The following ATP9B variants were observed in gnomAD, a reference collection of about 807,000 sequenced individuals.
ATP9B encodes probable phospholipid-transporting ATPase IIB.
A neutral mutation model predicts 146.1 loss-of-function variants in ATP9B; 110 were observed. That is an observed-to-expected ratio of 0.75 (90% CI 0.65 to 0.88). ATP9B has a LOEUF of 0.88. ATP9B is among the 40% of genes least tolerant of loss of function. The pLI, the probability that ATP9B is intolerant of heterozygous loss-of-function variation, is 0.00. For synonymous variants in ATP9B, 604 were observed against 569.7 expected, an observed-to-expected ratio of 1.06 and a Z score of -0.86; for missense variants, 1,499 against 1,496.4, an observed-to-expected ratio of 1.00 and a Z score of -0.03.
At chr18:79,289,806 C>T (rs2096483518) in intron 13 of ATP9B, among the ~76,000 whole-genome samples, 1 of 152,144 alleles carries the variant, frequency 6.6e-6, no homozygotes, top group Admixed American at 6.5e-5. Context: ...GATGTCCTTT[C>T]TGTTTGTTAG....
At chr18:79,131,970 G>A (rs112494220) in intron 5 of ATP9B, among the ~76,000 whole-genome samples, 8 of 152,348 alleles carry the variant, frequency 5.3e-5, no homozygotes, top group East Asian at 1.9e-4. Flanking sequence ...AAGGGAGCAC[G>A]AAGCATCTGC....
chr18:79,197,445 T>C (rs1003074339), intron 9 of ATP9B, among the ~76,000 whole-genome samples: 1 of 152,028 alleles, frequency 6.6e-6, no homozygotes, highest in Non-Finnish European at 1.5e-5. Context: ...GAAGAACATA[T>C]AAAGGTTAAG....
intron 12 of ATP9B, among the ~76,000 whole-genome samples, chr18:79,274,912 G>T (rs532189406): frequency 1.3e-5 from 2 of 152,176 alleles, no homozygotes; most frequent in African/African-American, 2.4e-5. Context: ...CACGGAAACG[G>T]TTTCATGAGC....
At chr18:79,192,541 T>G (rs952704252) in intron 8 of ATP9B, among the ~76,000 whole-genome samples, 1 of 152,192 alleles carries the variant, frequency 6.6e-6, no homozygotes, top group Non-Finnish European at 1.5e-5. Context: ...GATTTAACCT[T>G]TATGTGTAGC....
intron 26 of ATP9B, among the ~76,000 whole-genome samples, chr18:79,372,217 T>G (rs1359064599): frequency 3.1e-5 from 1 of 31,880 alleles, no homozygotes; most frequent in African/African-American, 1.4e-4. Context: ...TCCTGCCCCC[T>G]CGTCCCCTGC....
chr18:79,212,798 G>A (rs968388334), intron 10 of ATP9B, among the ~76,000 whole-genome samples: 4 of 152,158 alleles, frequency 2.6e-5, no homozygotes, highest in African/African-American at 4.8e-5. Context: ...GCATCGGGGA[G>A]CTTATATTCT....
intron 5 of ATP9B, among the ~76,000 whole-genome samples, chr18:79,135,615 C>T (rs2094438559): frequency 6.6e-6 from 1 of 152,172 alleles, no homozygotes; most frequent in Non-Finnish European, 1.5e-5. Flanking sequence ...TGCATCCTTT[C>T]TACCATTCCT....
chr18:79,228,363 T>C (rs2095756270), intron 11 of ATP9B, among the ~76,000 whole-genome samples: 1 of 152,194 alleles, frequency 6.6e-6, no homozygotes, highest in Admixed American at 6.5e-5. Flanking sequence ...TTACATGGAC[T>C]TCCATCTCCT....
chr18:79,373,786 G>T (rs1166488803), intron 27 of ATP9B, 112 bp from the exon 28 acceptor site: 1 of 1,105,100 alleles, frequency 9.0e-7, no homozygotes, highest in Non-Finnish European at 1.3e-6. Flanking sequence ...GCTGCGCCTG[G>T]CCTATCCCCT....
intron 7 of ATP9B, among the ~76,000 whole-genome samples, chr18:79,172,977 G>GTT (rs2095102426): frequency 6.6e-6 from 1 of 152,106 alleles, no homozygotes; most frequent in Non-Finnish European, 1.5e-5. Flanking sequence ...TTACAGTTTT[G>GTT]TTTTACATTC....
chr18:79,072,972 G>A (rs967801434), intron 1 of ATP9B, among the ~76,000 whole-genome samples: 5 of 151,986 alleles, frequency 3.3e-5, no homozygotes, highest in Non-Finnish European at 7.4e-5. Flanking sequence ...GGGCAGAGAC[G>A]CTCCTCACTT....
intron 15 of ATP9B, among the ~76,000 whole-genome samples, chr18:79,328,088 CTG>C (rs1361612172): frequency 6.8e-6 from 1 of 147,434 alleles, no homozygotes; most frequent in Non-Finnish European, 1.5e-5. Flanking sequence ...AGCGTGCTCT[CTG>C]TGGTTAGCGT....
At chr18:79,099,006 G>T (rs2075046789) in intron 2 of ATP9B, among the ~76,000 whole-genome samples, 1 of 152,084 alleles carries the variant, frequency 6.6e-6, no homozygotes, top group African/African-American at 2.4e-5. Flanking sequence ...CCTTCTCAGG[G>T]TGTTTGATTC....
At chr18:79,333,783 G>A (rs2096804561) in intron 17 of ATP9B, among the ~76,000 whole-genome samples, 1 of 152,114 alleles carries the variant, frequency 6.6e-6, no homozygotes, top group Non-Finnish European at 1.5e-5. Context: ...AGCTAAGTTG[G>A]GAGTGTCCAC....
chr18:79,301,113 A>G (rs1048381906), intron 13 of ATP9B, among the ~76,000 whole-genome samples: 1 of 152,256 alleles, frequency 6.6e-6, no homozygotes, highest in Non-Finnish European at 1.5e-5. Flanking sequence ...TACTTACCCT[A>G]ATATGAATTA....
intron 19 of ATP9B, among the ~76,000 whole-genome samples, chr18:79,339,104 G>T (rs553469486): frequency 6.6e-6 from 1 of 151,462 alleles, no homozygotes; most frequent in African/African-American, 2.4e-5. Flanking sequence ...TGTCATGATC[G>T]CAGTAGGAAG....
intron 26 of ATP9B, among the ~76,000 whole-genome samples, chr18:79,371,826 TC>T (rs1228216516): frequency 1.3e-5 from 2 of 152,142 alleles, no homozygotes; most frequent in Non-Finnish European, 2.9e-5. Context: ...TAGGAGAATC[TC>T]CCCCGTGGGT....
chr18:79,194,706 A>C (rs1430313889), intron 9 of ATP9B: 1 of 152,240 alleles, frequency 6.6e-6, no homozygotes, highest in Non-Finnish European at 1.5e-5. Flanking sequence ...TAACTATGAG[A>C]GTAGAGAGTT....
intron 10 of ATP9B, among the ~76,000 whole-genome samples, chr18:79,209,080 C>T (rs1168856593): frequency 6.6e-6 from 1 of 152,236 alleles, no homozygotes; most frequent in Non-Finnish European, 1.5e-5. Flanking sequence ...GGCCTGGCCT[C>T]ACGCTGAATG....
Sources: gnomAD v4.1 joint callset for allele counts (sites outside exome capture counted in the v4.1 genomes callset) on GRCh38, gnomAD v4.1.1 for gene constraint, MANE v1.5 for transcripts, NCBI Gene and HGNC (gene_info 2026-07-23, HGNC 2026-07-21) for gene names.